The following HSPA12A variants were observed in gnomAD, a reference collection of about 807,000 sequenced individuals.
HSPA12A encodes heat shock 70 kDa protein 12A.
Under a neutral mutation model 69.2 loss-of-function variants are expected in HSPA12A, and 28 were observed. The observed-to-expected ratio is 0.40, with a 90% confidence interval of 0.30 to 0.55. HSPA12A has a LOEUF of 0.55. HSPA12A is among the 20% of genes least tolerant of loss of function. The probability of loss-of-function intolerance (pLI) is 0.38; values close to 1 mark genes in which losing one functional copy is unlikely to be tolerated. For missense variants in HSPA12A, 686 were observed against 900.7 expected, an observed-to-expected ratio of 0.76 and a Z score of 3.05; for synonymous variants, 345 against 370.5, an observed-to-expected ratio of 0.93 and a Z score of 0.79.
intron 1 of HSPA12A, among the ~76,000 whole-genome samples, chr10:116,849,043 C>T (rs1255685549): frequency 3.3e-5 from 5 of 152,212 alleles, no homozygotes; most frequent in African/African-American, 9.6e-5. Context: ...GTAAGGATGC[C>T]CTGAGCCCCT....
intron 2 of HSPA12A, chr10:116,750,422 C>A: frequency 1.6e-6 from 1 of 644,210 alleles, no homozygotes; most frequent in Non-Finnish European, 2.9e-6. Context: ...GTCTACCCCT[C>A]ATGGTACCCA....
intron 1 of HSPA12A, among the ~76,000 whole-genome samples, chr10:116,837,260 G>C (rs1845731134): frequency 6.6e-6 from 1 of 152,178 alleles, no homozygotes; most frequent in South Asian, 2.1e-4. Flanking sequence ...TCCGACAGGT[G>C]AAAGTGTAAG....
intron 1 of HSPA12A, among the ~76,000 whole-genome samples, chr10:116,722,783 C>T (rs1850820204): frequency 6.6e-6 from 1 of 152,114 alleles, no homozygotes; most frequent in African/African-American, 2.4e-5. Context: ...ATTAAAAACA[C>T]TGTAATTAAA....
intron 1 of HSPA12A, among the ~76,000 whole-genome samples, chr10:116,717,779 A>C (rs1850653882): frequency 6.6e-6 from 1 of 152,128 alleles, no homozygotes; most frequent in Non-Finnish European, 1.5e-5. Context: ...CAGCAAATAC[A>C]TTTCCTTTAC....
chr10:116,690,143 A>G (rs1457484962), intron 6 of HSPA12A, among the ~76,000 whole-genome samples: 1 of 152,208 alleles, frequency 6.6e-6, no homozygotes, highest in Non-Finnish European at 1.5e-5. Flanking sequence ...ATAGAGTTGC[A>G]AATTTCACTT....
intron 1 of HSPA12A, among the ~76,000 whole-genome samples, chr10:116,741,152 C>T (rs1044259504): frequency 1.3e-5 from 2 of 152,126 alleles, no homozygotes; most frequent in African/African-American, 4.8e-5. Flanking sequence ...GGATCCCCCA[C>T]CCGCCACCCT....
In HSPA12A at chr10:116,671,468, T is replaced by A. The variant is rs1849073933; in HGVS notation, c.*3313A>T. ...ATCACAGCTATACATCTCTACAATG[T>A]GAAATTCGATCTTTGACTAATAATG... On this transcript the variant is annotated 3_prime_UTR_variant, in exon 12 of 12. Coordinates refer to ENST00000369209, the MANE Select transcript of HSPA12A (RefSeq NM_025015.3). 1 of 152,348 alleles carries A rather than the reference T, an allele frequency of 6.6e-6. No individual in the cohort carries two copies. Among genetic ancestry groups the A allele is most frequent in the South Asian group, 2.1e-4 (1 of 4,824 alleles). 9.4% of individuals were successfully genotyped at this position (152,348 alleles called of 1,614,324 possible). A position where few individuals can be genotyped will look rare whatever the true frequency, so the allele number is the denominator to read the frequency against.
intron 1 of HSPA12A, among the ~76,000 whole-genome samples, chr10:116,711,525 C>A (rs1391988745): frequency 6.6e-6 from 1 of 152,128 alleles, no homozygotes; most frequent in Non-Finnish European, 1.5e-5. Context: ...ACCTACAGCA[C>A]CGTTCCAAGT....
chr10:116,768,251 A>G (rs1844123786), intron 2 of HSPA12A, among the ~76,000 whole-genome samples: 1 of 152,244 alleles, frequency 6.6e-6, no homozygotes, highest in African/African-American at 2.4e-5. Context: ...GCCAGATGCA[A>G]AAGACCACAT....
chr10:116,812,129 A>G (rs768628008), intron 2 of HSPA12A, among the ~76,000 whole-genome samples: 5 of 152,116 alleles, frequency 3.3e-5, no homozygotes, highest in African/African-American at 1.2e-4. Context: ...ACAAAGACAC[A>G]CTTTGTATAT....
intron 2 of HSPA12A, among the ~76,000 whole-genome samples, chr10:116,794,141 C>A (rs920245767): frequency 2.6e-5 from 4 of 152,014 alleles, no homozygotes; most frequent in African/African-American, 9.6e-5. Flanking sequence ...GGAGGTGGAG[C>A]TTGCAGTGAG....
At chr10:116,838,689 C>T (rs778001883) in intron 1 of HSPA12A, among the ~76,000 whole-genome samples, 1 of 152,152 alleles carries the variant, frequency 6.6e-6, no homozygotes, top group Non-Finnish European at 1.5e-5. Flanking sequence ...AAACCTTTAG[C>T]TAAGTTTGTC....
chr10:116,692,502 T>C (rs782774952), intron 5 of HSPA12A, 35 bp from the exon 6 acceptor site: 16 of 1,534,246 alleles, frequency 1.0e-5, no homozygotes, highest in Middle Eastern at 3.4e-4. Context: ...ACAGGTCAAG[T>C]GGCAGCTGGT....
At chr10:116,849,678 G>T (rs1167802440) in exon 1 of HSPA12A, 7 of 1,549,532 alleles carry the variant, frequency 4.5e-6, no homozygotes, top group African/African-American at 1.4e-5. Flanking sequence ...CAGGCTGGAA[G>T]AGCTGCTCAA....
intron 2 of HSPA12A, among the ~76,000 whole-genome samples, chr10:116,791,298 G>A (rs1208586660): frequency 6.6e-6 from 1 of 152,222 alleles, no homozygotes; most frequent in Non-Finnish European, 1.5e-5. Flanking sequence ...CTTTTCCATA[G>A]ATGAAGCTTT....
At chr10:116,726,223 T>C (rs1047192484) in intron 1 of HSPA12A, among the ~76,000 whole-genome samples, 1 of 152,176 alleles carries the variant, frequency 6.6e-6, no homozygotes, top group South Asian at 2.1e-4. Flanking sequence ...AGTGTGGTGT[T>C]GGGGCAGAAT....
chr10:116,812,500 C>A (rs957673586), intron 2 of HSPA12A, among the ~76,000 whole-genome samples: 2 of 151,804 alleles, frequency 1.3e-5, no homozygotes, highest in Non-Finnish European at 2.9e-5. Flanking sequence ...AATCAGGGAA[C>A]CCCCACAACC....
intron 2 of HSPA12A, among the ~76,000 whole-genome samples, chr10:116,820,831 C>A (rs1845399114): frequency 6.6e-6 from 1 of 152,104 alleles, no homozygotes; most frequent in Non-Finnish European, 1.5e-5. Flanking sequence ...AACAGACCCC[C>A]AAACACCTGA....
intron 7 of HSPA12A, chr10:116,683,438 A>T (rs1638928473): frequency 5.8e-6 from 1 of 172,184 alleles, no homozygotes; most frequent in African/African-American, 2.4e-5. Flanking sequence ...AGAATTAATA[A>T]CAGGCAATGG....
Sources: gnomAD v4.1 joint callset for allele counts (sites outside exome capture counted in the v4.1 genomes callset) on GRCh38, gnomAD v4.1.1 for gene constraint, MANE v1.5 for transcripts, NCBI Gene and HGNC (gene_info 2026-07-23, HGNC 2026-07-21) for gene names.